RBFOX3: variants seen among roughly 807,000 people sequenced by gnomAD.
RBFOX3 encodes RNA binding protein fox-1 homolog 3.
Under a neutral mutation model 48.7 loss-of-function variants are expected in RBFOX3, and 17 were observed. That is an observed-to-expected ratio of 0.35 (90% CI 0.24 to 0.52). RBFOX3 has a LOEUF of 0.52. RBFOX3 is among the 20% of genes least tolerant of loss of function. The probability of loss-of-function intolerance (pLI) is 0.94; values close to 1 mark genes in which losing one functional copy is unlikely to be tolerated. For synonymous variants in RBFOX3, 212 were observed against 209.5 expected (o/e 1.01, Z -0.10); for missense variants, 382 against 497.5 (o/e 0.77, Z 2.21).
rs781618072 is a variant in RBFOX3, at chr17:79,403,782, C to CT, written c.-175+78671dup. Reference sequence around the variant, plus strand: ...GCACAAGCTCCCAGATGTTCTTTTTCTTTTTTTTTTTTTTTTTTTGAGATG... The same window carrying CT: ...GCACAAGCTCCCAGATGTTCTTTTTCTTTTTTTTTTTTTTTTTTTTGAGATG... On this transcript the variant is annotated intron_variant, in intron 2 of 14. Transcript: ENST00000693108. Among the ~76,000 whole-genome samples, 663 of 124,334 alleles carry CT rather than the reference C, an allele frequency of 5.3e-3. 4 individuals are homozygous for CT. The highest frequency in any genetic ancestry group is 0.014 in the African/African-American group (473 of 32,872). 81.6% of individuals were successfully genotyped at this position (124,334 alleles called of 152,430 possible).
the RBFOX3 span, among the ~76,000 whole-genome samples, chr17:79,642,976 C>T: frequency 1.4e-4 from 22 of 152,124 alleles, no homozygotes; most frequent in Non-Finnish European, 2.8e-4. Context: ...GTGGTGCACT[C>T]CTATAGTCTC....
intron 4 of RBFOX3, among the ~76,000 whole-genome samples, chr17:79,149,430 A>G (rs943789213): frequency 6.6e-6 from 1 of 152,086 alleles, no homozygotes; most frequent in Admixed American, 6.5e-5. Flanking sequence ...GTTGGATTGG[A>G]ACACGGGCAT....
intron 4 of RBFOX3, among the ~76,000 whole-genome samples, chr17:79,170,054 G>C (rs1422960063): frequency 6.8e-6 from 1 of 147,648 alleles, no homozygotes; most frequent in Non-Finnish European, 1.5e-5. Context: ...GAAGAGGGAA[G>C]GGAAGGAGGA....
At chr17:79,393,112 A>C (rs1466787886) in intron 2 of RBFOX3, among the ~76,000 whole-genome samples, 60 of 152,364 alleles carry the variant, frequency 3.9e-4, no homozygotes, top group Non-Finnish European at 2.9e-5. Flanking sequence ...TGTAAAATAT[A>C]CACAATGAAC....
At position 79,421,547 on chromosome 17, in the gene RBFOX3, G is replaced by A. The variant is rs957030822; in HGVS notation, c.-175+60907C>T. On this transcript the variant is annotated intron_variant, in intron 2 of 14. Coordinates refer to ENST00000693108, the MANE Select transcript of RBFOX3 (RefSeq NM_001350451.2). The surrounding 1 kb of genome is among the most constrained non-coding windows in gnomAD (Gnocchi z 4.5). ...CCAGGGCCTCACCTGGACAGGAGGC[G>A]AGGCTCAAATGACCCATGCTGGCAT... 1.7e-4 allele frequency among the ~76,000 whole-genome samples: 26 copies of A among 152,278 alleles called. No homozygotes were observed. The highest frequency in any genetic ancestry group is 4.1e-4 in the South Asian group (2 of 4,824).
At chr17:79,381,036 C>T (rs984769606) in intron 2 of RBFOX3, among the ~76,000 whole-genome samples, 6 of 152,010 alleles carry the variant, frequency 3.9e-5, no homozygotes, top group Admixed American at 6.6e-5. Context: ...CTGAGGTGGG[C>T]GAATCATGAG....
intron 3 of RBFOX3, among the ~76,000 whole-genome samples, chr17:79,259,576 A>T (rs2065407116): frequency 6.6e-6 from 1 of 152,036 alleles, no homozygotes; most frequent in South Asian, 2.1e-4. Flanking sequence ...GGCCCAGGTG[A>T]GATGGCGTTG....
At chr17:79,659,255 G>A in the RBFOX3 span, among the ~76,000 whole-genome samples, 1 of 152,098 alleles carries the variant, frequency 6.6e-6, no homozygotes, top group Non-Finnish European at 1.5e-5. Context: ...AATCTTCCCG[G>A]AAAAAGAAAT....
rs367733965 is a variant in RBFOX3 at position 79,473,798 on chromosome 17, C to T, written c.-175+8656G>A. 5.6e-3 allele frequency among the ~76,000 whole-genome samples: 845 copies of T among 152,114 alleles called. 7 individuals are homozygous for T. The highest frequency in any genetic ancestry group is 0.019 in the African/African-American group (784 of 41,488). ...GGAAAAAAGAAAAATTATTCTGTTC[C>T]GCCTCCATTTTTCTCCTCCTCCTAA... is the stretch of plus-strand genomic sequence containing the variant. On this transcript the variant is annotated intron_variant, in intron 2 of 14. Coordinates refer to ENST00000693108, the MANE Select transcript of RBFOX3 (RefSeq NM_001350451.2). This position sits in a 1 kb window ranked among gnomAD's most constrained non-coding sequence, Gnocchi z 4.2.
At chr17:79,289,732 C>A (rs1169995897) in intron 3 of RBFOX3, among the ~76,000 whole-genome samples, 1 of 152,216 alleles carries the variant, frequency 6.6e-6, no homozygotes, top group African/African-American at 2.4e-5. Context: ...GAGCTTCCCC[C>A]AGAAAGTGGC....
In RBFOX3 at chr17:79,472,204, G is replaced by A. The variant is rs2077145504; in HGVS notation, c.-175+10250C>T. 4.6e-5 allele frequency among the ~76,000 whole-genome samples: 7 copies of A among 152,346 alleles called. No individual in the cohort carries two copies. In the South Asian group the frequency reaches 1.4e-3, roughly 32 times the overall value. On this transcript the variant is annotated intron_variant, in intron 2 of 14. Coordinates refer to ENST00000693108, the MANE Select transcript of RBFOX3 (RefSeq NM_001350451.2). The stretch of plus-strand genomic sequence containing the variant: ...TGGAATGATGAGTGTGCCTGACGGG[G>A]CCCATCTGAGATAGACCACAGTGGT...
In RBFOX3 at chr17:79,212,354, G is replaced by GC. The variant is rs755708300; in HGVS notation, c.-34+23411dup. 9.3e-4 allele frequency among the ~76,000 whole-genome samples: 142 copies of GC among 152,246 alleles called. 1 individual carries two copies. The highest frequency in any genetic ancestry group is 1.9e-3 in the Non-Finnish European group (128 of 68,008). On this transcript the variant is annotated intron_variant, in intron 4 of 14. Coordinates refer to ENST00000693108, the MANE Select transcript of RBFOX3 (RefSeq NM_001350451.2). The surrounding 1 kb of genome is among the most constrained non-coding windows in gnomAD (Gnocchi z 4.7). Reference sequence around the variant, plus strand: ...CCATTTGCCTGGGAGGAAGGAAGGGGCCGCACTTGCTCCAGCCTCTCTGGC... The same window carrying GC: ...CCATTTGCCTGGGAGGAAGGAAGGGGCCCGCACTTGCTCCAGCCTCTCTGGC...
intron 1 of RBFOX3, among the ~76,000 whole-genome samples, chr17:79,589,624 T>C (rs2093358741): frequency 6.6e-6 from 1 of 152,130 alleles, no homozygotes; most frequent in Admixed American, 6.5e-5. Context: ...TCCTGGAGCT[T>C]CCCTGGGACG....
the RBFOX3 span, among the ~76,000 whole-genome samples, chr17:79,620,589 ACACACGCACGCACG>A: frequency 1.1e-5 from 1 of 87,206 alleles, no homozygotes; most frequent in African/African-American, 3.8e-5. Flanking sequence ...ACGCACGCAC[ACACACGCACGCACG>A]CACACATGCA....
At chr17:79,456,192 G>T (rs1202971876) in intron 2 of RBFOX3, among the ~76,000 whole-genome samples, 1 of 152,148 alleles carries the variant, frequency 6.6e-6, no homozygotes. Context: ...CCTCTCTCAC[G>T]CAGTCTTTCT....
chr17:79,544,182 C>T (rs2090090715), intron 1 of RBFOX3, among the ~76,000 whole-genome samples: 1 of 152,138 alleles, frequency 6.6e-6, no homozygotes, highest in African/African-American at 2.4e-5. Flanking sequence ...TGGTGTGGTC[C>T]CTGGACTGAC....
intron 2 of RBFOX3, among the ~76,000 whole-genome samples, chr17:79,359,774 G>T (rs550855469): frequency 2.6e-5 from 4 of 151,892 alleles, no homozygotes; most frequent in South Asian, 2.1e-4. Context: ...GTTGCTCAGG[G>T]TGGAGTGCAG....
intron 4 of RBFOX3, among the ~76,000 whole-genome samples, chr17:79,156,826 C>G (rs1444060359): frequency 1.3e-5 from 2 of 152,184 alleles, no homozygotes; most frequent in Non-Finnish European, 2.9e-5. Flanking sequence ...TGCTGGAGTC[C>G]TTGGCTTCTG....
At chr17:79,091,268 G>T (rs2073842647) in intron 14 of RBFOX3, among the ~76,000 whole-genome samples, 1 of 152,214 alleles carries the variant, frequency 6.6e-6, no homozygotes, top group Non-Finnish European at 1.5e-5. Context: ...CAGGACTTCA[G>T]CCCTCACTGG....
Sources: allele counts gnomAD v4.1 joint callset (sites outside exome capture counted in the v4.1 genomes callset), GRCh38; gene constraint gnomAD v4.1.1; non-coding constraint Gnocchi (gnomAD v3.1); transcripts MANE v1.5; gene names NCBI Gene and HGNC (gene_info 2026-07-23, HGNC 2026-07-21).